PDZRN4: variants seen among roughly 807,000 people sequenced by gnomAD.
PDZRN4 encodes the protein PDZ domain containing ring finger 4.
A neutral mutation model predicts 99.0 loss-of-function variants in PDZRN4; 70 were observed. That is an observed-to-expected ratio of 0.71 (90% CI 0.58 to 0.86). The LOEUF (loss-of-function observed/expected upper bound fraction) is 0.86. Among genes scored for constraint, PDZRN4 ranks in the 40% least tolerant of loss-of-function variants. PDZRN4 has a pLI of 0.00. For synonymous variants in PDZRN4, 551 were observed against 501.6 expected, an observed-to-expected ratio of 1.10 and a Z score of -1.32; for missense variants, 1,474 against 1,331.2, an observed-to-expected ratio of 1.11 and a Z score of -1.67.
chr12:41,219,674 A>G (rs1950941398), intron 3 of PDZRN4, among the ~76,000 whole-genome samples: 1 of 152,240 alleles, frequency 6.6e-6, no homozygotes, highest in Non-Finnish European at 1.5e-5. Flanking sequence ...TAGATAACAC[A>G]GAGTAATACT....
intron 5 of PDZRN4, among the ~76,000 whole-genome samples, chr12:41,525,441 G>T (rs1938552313): frequency 6.6e-6 from 1 of 152,012 alleles, no homozygotes; most frequent in African/African-American, 2.4e-5. Context: ...GATTATATGA[G>T]ATAATATATA....
At chr12:41,226,330 T>C (rs532130070) in intron 3 of PDZRN4, among the ~76,000 whole-genome samples, 1 of 152,222 alleles carries the variant, frequency 6.6e-6, no homozygotes, top group African/African-American at 2.4e-5. Flanking sequence ...TAGCATCTTC[T>C]AATGTACTGC....
intron 5 of PDZRN4, among the ~76,000 whole-genome samples, chr12:41,540,795 C>T (rs972923531): frequency 8.5e-5 from 13 of 152,184 alleles, no homozygotes; most frequent in African/African-American, 3.1e-4. Flanking sequence ...CCTTAGCAAA[C>T]CTAAATAAAC....
At chr12:41,535,735 T>C (rs1938737603) in intron 5 of PDZRN4, among the ~76,000 whole-genome samples, 1 of 152,096 alleles carries the variant, frequency 6.6e-6, no homozygotes, top group South Asian at 2.1e-4. Context: ...AATGGTGCAT[T>C]TGGTCCCTTT....
intron 3 of PDZRN4, among the ~76,000 whole-genome samples, chr12:41,493,287 T>C (rs746353400): frequency 2.0e-5 from 3 of 152,186 alleles, no homozygotes; most frequent in Non-Finnish European, 4.4e-5. Flanking sequence ...GAGCTTTTAC[T>C]GGGCATTGGC....
chr12:41,492,043 G>A (rs1232589304), intron 3 of PDZRN4, among the ~76,000 whole-genome samples: 2 of 152,094 alleles, frequency 1.3e-5, no homozygotes, highest in African/African-American at 2.4e-5. Flanking sequence ...GAATTGATTA[G>A]CGTATCAAGC....
intron 3 of PDZRN4, among the ~76,000 whole-genome samples, chr12:41,322,487 C>CT (rs71081724): frequency 0.055 from 4,965 of 90,556 alleles, 655 homozygotes; most frequent in African/African-American, 0.11. Context: ...ATTTTCTTTC[C>CT]TTTTTTTTTT....
chr12:41,199,979 TA>T (rs1159030789), intron 3 of PDZRN4, among the ~76,000 whole-genome samples: 4 of 152,094 alleles, frequency 2.6e-5, no homozygotes, highest in Non-Finnish European at 5.9e-5. Flanking sequence ...TGTATCCACA[TA>T]AAAAAACTGC....
At chr12:41,390,414 T>C (rs920811175) in intron 3 of PDZRN4, among the ~76,000 whole-genome samples, 1 of 152,032 alleles carries the variant, frequency 6.6e-6, no homozygotes, top group African/African-American at 2.4e-5. Context: ...TCTATTTTGT[T>C]TTGCTCCCCA....
chr12:41,355,539 A>C (rs1951921499), intron 3 of PDZRN4, among the ~76,000 whole-genome samples: 1 of 152,092 alleles, frequency 6.6e-6, no homozygotes, highest in African/African-American at 2.4e-5. Context: ...CACATGGATC[A>C]TTTGAGTTCT....
chr12:41,348,800 G>A (rs10785242), intron 3 of PDZRN4, among the ~76,000 whole-genome samples: 57,089 of 151,678 alleles, frequency 0.38, 10,816 homozygotes, highest in Non-Finnish European at 0.39. Flanking sequence ...TATTGACAGA[G>A]AAGCTACTGG....
At chr12:41,381,951 A>G (rs1952130438) in intron 3 of PDZRN4, among the ~76,000 whole-genome samples, 1 of 152,086 alleles carries the variant, frequency 6.6e-6, no homozygotes. Context: ...GCTAACTGTC[A>G]AGATCTCTTA....
chr12:41,226,268 C>T (rs1204206987), intron 3 of PDZRN4, among the ~76,000 whole-genome samples: 1 of 152,078 alleles, frequency 6.6e-6, no homozygotes, highest in Non-Finnish European at 1.5e-5. Flanking sequence ...TGCAGCTCTC[C>T]ATCTCTAGCA....
chr12:41,258,295 C>T (rs560609912), intron 3 of PDZRN4, among the ~76,000 whole-genome samples: 24 of 151,740 alleles, frequency 1.6e-4, no homozygotes, highest in South Asian at 6.2e-4. Context: ...GCCATTTGAA[C>T]GAATAAAACC....
intron 3 of PDZRN4, among the ~76,000 whole-genome samples, chr12:41,344,509 A>T (rs1951838716): frequency 6.6e-6 from 1 of 151,662 alleles, no homozygotes; most frequent in Non-Finnish European, 1.5e-5. Context: ...TTCTTAAACT[A>T]TCTCTAGGAC....
At chr12:41,354,109 G>A (rs537064255) in intron 3 of PDZRN4, among the ~76,000 whole-genome samples, 1 of 152,100 alleles carries the variant, frequency 6.6e-6, no homozygotes, top group African/African-American at 2.4e-5. Flanking sequence ...GACAGGTTGA[G>A]TTTGAGTAGA....
At chr12:41,364,404 G>A (rs1014104997) in intron 3 of PDZRN4, among the ~76,000 whole-genome samples, 2 of 152,032 alleles carry the variant, frequency 1.3e-5, no homozygotes, top group Admixed American at 6.6e-5. Flanking sequence ...TGGATGAAGT[G>A]GGGTGACAGG....
chr12:41,558,812 G>C (rs1194957645), intron 7 of PDZRN4, among the ~76,000 whole-genome samples: 1 of 152,038 alleles, frequency 6.6e-6, no homozygotes, highest in East Asian at 1.9e-4. Context: ...AGGAAACAAA[G>C]AGTCTTAAGG....
At chr12:41,395,104 C>T (rs1003510612) in intron 3 of PDZRN4, among the ~76,000 whole-genome samples, 1 of 152,148 alleles carries the variant, frequency 6.6e-6, no homozygotes, top group Non-Finnish European at 1.5e-5. Flanking sequence ...CCAAAAGTCT[C>T]ATTTCATTAT....
Sources: gnomAD v4.1 joint callset for allele counts (sites outside exome capture counted in the v4.1 genomes callset) on GRCh38, gnomAD v4.1.1 for gene constraint, MANE v1.5 for transcripts, NCBI Gene and HGNC (gene_info 2026-07-23, HGNC 2026-07-21) for gene names.